The following DAAM1 variants were observed in gnomAD, a reference collection of about 807,000 sequenced individuals.
DAAM1 encodes disheveled-associated activator of morphogenesis 1.
Under a neutral mutation model 130.0 loss-of-function variants are expected in DAAM1, and 52 were observed. That is an observed-to-expected ratio of 0.40 (90% CI 0.32 to 0.50). The LOEUF (loss-of-function observed/expected upper bound fraction) is 0.50. Among genes scored for constraint, DAAM1 ranks in the 20% least tolerant of loss-of-function variants. DAAM1 has a pLI of 0.61. For synonymous variants in DAAM1, 452 were observed against 444.5 expected, an observed-to-expected ratio of 1.02 and a Z score of -0.21; for missense variants, 1,134 against 1,303.8, an observed-to-expected ratio of 0.87 and a Z score of 2.01.
intron 1 of DAAM1, among the ~76,000 whole-genome samples, chr14:59,223,399 C>G (rs1257165073): frequency 1.3e-5 from 2 of 152,186 alleles, no homozygotes; most frequent in African/African-American, 2.4e-5. Context: ...AGCTGTCTCT[C>G]AGAAGGAGGG....
chr14:59,212,660 A>G (rs1401130152), intron 1 of DAAM1, among the ~76,000 whole-genome samples: 1 of 152,218 alleles, frequency 6.6e-6, no homozygotes, highest in Non-Finnish European at 1.5e-5. Context: ...ATCCTGCCCA[A>G]GCAGCATTCT....
At chr14:59,348,571 T>C (rs1886168977) in intron 17 of DAAM1, among the ~76,000 whole-genome samples, 1 of 152,218 alleles carries the variant, frequency 6.6e-6, no homozygotes, top group Non-Finnish European at 1.5e-5. Flanking sequence ...TCCACGTTTG[T>C]TAGAGCCAGG....
chr14:59,290,328 A>G (rs568384348), intron 2 of DAAM1, among the ~76,000 whole-genome samples: 2 of 152,186 alleles, frequency 1.3e-5, no homozygotes, highest in Non-Finnish European at 2.9e-5. Context: ...CTGAAAGGCT[A>G]AACATCTGGA....
chr14:59,249,717 T>G (rs1881547681), intron 1 of DAAM1, among the ~76,000 whole-genome samples: 1 of 152,228 alleles, frequency 6.6e-6, no homozygotes, highest in African/African-American at 2.4e-5. Context: ...ATGACTTTTT[T>G]ATTCACTGAT....
At chr14:59,267,003 A>C (rs140937542) in intron 2 of DAAM1, among the ~76,000 whole-genome samples, 5 of 152,346 alleles carry the variant, frequency 3.3e-5, no homozygotes, top group Non-Finnish European at 7.3e-5. Flanking sequence ...TCTGGCACCT[A>C]ATAGATGATT....
intron 1 of DAAM1, among the ~76,000 whole-genome samples, chr14:59,222,628 G>T (rs888164493): frequency 2.0e-5 from 3 of 152,202 alleles, no homozygotes; most frequent in Non-Finnish European, 4.4e-5. Context: ...ATGACAAGTG[G>T]CTGGGAAAAG....
chr14:59,227,802 T>C (rs1202032953), intron 1 of DAAM1, among the ~76,000 whole-genome samples: 1 of 152,186 alleles, frequency 6.6e-6, no homozygotes, highest in Non-Finnish European at 1.5e-5. Context: ...AGTCCAAATG[T>C]GTTTGAGTTC....
At chr14:59,189,112 C>CT (rs1344554080) in intron 1 of DAAM1, among the ~76,000 whole-genome samples, 3 of 152,148 alleles carry the variant, frequency 2.0e-5, no homozygotes, top group African/African-American at 7.2e-5. Context: ...GGCGGGGTAA[C>CT]ACTCGCCGCC....
At chr14:59,328,504 C>T (rs1345384485) in intron 12 of DAAM1, among the ~76,000 whole-genome samples, 1 of 152,066 alleles carries the variant, frequency 6.6e-6, no homozygotes, top group Non-Finnish European at 1.5e-5. Flanking sequence ...TCAGTGAATA[C>T]CTGTTGAATG....
chr14:59,334,163 A>G (rs1052536090), intron 15 of DAAM1, among the ~76,000 whole-genome samples: 3 of 152,180 alleles, frequency 2.0e-5, no homozygotes, highest in Non-Finnish European at 1.5e-5. Context: ...CTGTAAATAT[A>G]TTTTCTAAAT....
chr14:59,276,919 A>G (rs548677038), intron 2 of DAAM1, among the ~76,000 whole-genome samples: 94 of 152,290 alleles, frequency 6.2e-4, no homozygotes, highest in African/African-American at 2.0e-3. Context: ...CACCTCAATC[A>G]TTATTTGAAT....
In DAAM1 at chr14:59,323,108, G is replaced by A. The variant is rs1185175908; in HGVS notation, c.657G>A (p.Thr219=). ...AQSLSTENIK[T]KVAVLEILGA... is the part of the protein sequence containing the mutation. ...GTCTGAGCACAGAGAACATTAAAAC[G>A]AAGGTGGCCGTGCTGGAAATCTTGG... Residue 219 remains threonine, a synonymous_variant, in exon 6 of 25, where the codon ACG becomes ACA. Transcript: ENST00000360909. 5.0e-6 allele frequency: 8 copies of A among 1,613,512 alleles called. No homozygotes were observed. Among genetic ancestry groups the A allele is most frequent in the Admixed American group, 1.7e-5 (1 of 59,982 alleles).
chr14:59,239,923 T>A (rs1190402454), intron 1 of DAAM1, among the ~76,000 whole-genome samples: 1 of 152,216 alleles, frequency 6.6e-6, no homozygotes, highest in Non-Finnish European at 1.5e-5. Context: ...CTGATAGGCT[T>A]ATTTAAGACT....
chr14:59,235,940 C>T (rs1889282193), intron 1 of DAAM1, among the ~76,000 whole-genome samples: 3 of 152,032 alleles, frequency 2.0e-5, no homozygotes, highest in African/African-American at 4.8e-5. Context: ...GACCTCACTT[C>T]GTCAAATGAA....
intron 1 of DAAM1, among the ~76,000 whole-genome samples, chr14:59,242,336 C>T (rs908882727): frequency 6.6e-6 from 1 of 152,070 alleles, no homozygotes; most frequent in Non-Finnish European, 1.5e-5. Flanking sequence ...GTGTTAGAAG[C>T]AGCAGCAGGG....
Position 59,369,198 on chromosome 14 carries a change from TAA to T in DAAM1, c.*340_*341del, listed in dbSNP as rs1887045982. The T allele has an allele frequency of 5.8e-6, 1 of 173,614 alleles. No individual in the cohort carries two copies. The allele number at this position is 173,614 out of a possible 1,614,324, so 10.8% of individuals were successfully genotyped here. ...GCACAATACTATCTCCTGAAAGAGA[TAA>T]GAGACATTCCCTAGATTCAAAGGCA... On this transcript the variant is annotated 3_prime_UTR_variant, in exon 25 of 25. Coordinates refer to ENST00000360909, the MANE Select transcript of DAAM1 (RefSeq NM_001270520.2).
intron 2 of DAAM1, chr14:59,266,063 A>C (rs1173615102): frequency 6.6e-6 from 1 of 152,156 alleles, no homozygotes; most frequent in African/African-American, 2.4e-5. Context: ...CTACCAAGAC[A>C]GCAATCAAGA....
chr14:59,314,553 A>C (rs527675608), intron 3 of DAAM1, among the ~76,000 whole-genome samples: 63 of 150,932 alleles, frequency 4.2e-4, no homozygotes, highest in Non-Finnish European at 5.2e-4. Flanking sequence ...TGGGGGGCTT[A>C]GGGGCTGGCT....
chr14:59,285,743 A>G (rs1392747771), intron 2 of DAAM1, among the ~76,000 whole-genome samples: 1 of 152,166 alleles, frequency 6.6e-6, no homozygotes, highest in Non-Finnish European at 1.5e-5. Flanking sequence ...ATATATACAT[A>G]CCCAATATTG....
Sources: gnomAD v4.1 joint callset for allele counts (sites outside exome capture counted in the v4.1 genomes callset) on GRCh38, gnomAD v4.1.1 for gene constraint, MANE v1.5 for transcripts, NCBI Gene and HGNC (gene_info 2026-07-23, HGNC 2026-07-21) for gene names.